Variants in PPP5C observed in about 807,000 individuals in gnomAD.
PPP5C encodes the protein protein phosphatase 5 catalytic subunit.
Under a neutral mutation model 66.7 loss-of-function variants are expected in PPP5C, and 21 were observed. That is an observed-to-expected ratio of 0.31 (90% CI 0.22 to 0.45). PPP5C has a LOEUF of 0.45. Ranked by LOEUF, PPP5C falls within the 20% of genes least tolerant of loss-of-function variation. The pLI is 1.00. For synonymous variants in PPP5C, 246 were observed against 257.4 expected (o/e 0.96, Z 0.43); for missense variants, 464 against 675.9 (o/e 0.69, Z 3.48).
chr19:46,379,654 CTT>C (rs1477075337), intron 4 of PPP5C, among the ~76,000 whole-genome samples: 1 of 152,126 alleles, frequency 6.6e-6, no homozygotes. Flanking sequence ...AATCAGGAAT[CTT>C]TTAGCATTTC....
In PPP5C at chr19:46,383,421, A is replaced by G. The variant is rs202039197; in HGVS notation, c.644A>G (p.Gln215Arg). 3.7e-6 allele frequency: 6 copies of G among 1,611,866 alleles called. No individual in the cohort carries two copies. Among genetic ancestry groups the G allele is most frequent in the Non-Finnish European group, 1.7e-6 (2 of 1,178,978 alleles). Reference sequence around the variant, plus strand: ...TGCCCTGCCTTCCAGATTCTGGTACAGGTCAAAGAGGTCCTCTCCAAGCTG... The same window carrying G: ...TGCCCTGCCTTCCAGATTCTGGTACGGGTCAAAGAGGTCCTCTCCAAGCTG... ...HRKCAYQILV[Q>R]VKEVLSKLST... The change falls in exon 5 of 13, where the codon CAG becomes CGG. Residue 215 changes from glutamine to arginine, a missense_variant. Gln to Arg is a conservative substitution (Grantham distance 43). Transcript: ENST00000012443. This position sits in a 1 kb window ranked among gnomAD's most constrained non-coding sequence, Gnocchi z 5.0.
chr19:46,358,324 G>A (rs1972322424), intron 2 of PPP5C, among the ~76,000 whole-genome samples: 1 of 152,238 alleles, frequency 6.6e-6, no homozygotes, highest in Non-Finnish European at 1.5e-5. Context: ...GTCTCCCAGG[G>A]TGAGACCAGT....
chr19:46,368,671 C>T (rs1174205880), intron 2 of PPP5C, among the ~76,000 whole-genome samples: 1 of 152,168 alleles, frequency 6.6e-6, no homozygotes, highest in East Asian at 1.9e-4. Context: ...CACCCGAGTA[C>T]TGTACAGTGC....
At chr19:46,389,238 T>A (rs183018946) in intron 11 of PPP5C, among the ~76,000 whole-genome samples, 1 of 151,390 alleles carries the variant, frequency 6.6e-6, no homozygotes, top group East Asian at 1.9e-4. Context: ...TCAGGAGAAT[T>A]GTTCGAACCC....
intron 2 of PPP5C, among the ~76,000 whole-genome samples, chr19:46,363,533 G>A (rs1199382589): frequency 2.6e-5 from 4 of 151,026 alleles, no homozygotes; most frequent in African/African-American, 9.7e-5. Context: ...AGTTTCAAGC[G>A]ATTCTCCTGC....
Position 46,361,128 on chromosome 19 carries a change from A to ATTTTTTTTTTTTTTTTTTTTTTTTT in PPP5C, c.363+7139_363+7140insTTTTTTTTTTTTTTTTTTTTTTTTT, listed in dbSNP as rs202038384. 4.5e-5 allele frequency among the ~76,000 whole-genome samples: 6 copies of ATTTTTTTTTTTTTTTTTTTTTTTTT among 133,416 alleles called. 3 individuals are homozygous for ATTTTTTTTTTTTTTTTTTTTTTTTT. The highest frequency in any genetic ancestry group is 6.3e-5 in the Non-Finnish European group (4 of 63,144). 87.5% of individuals were successfully genotyped at this position (133,416 alleles called of 152,430 possible). A position where few individuals can be genotyped will look rare whatever the true frequency, so the allele number is the denominator to read the frequency against. On this transcript the variant is annotated intron_variant, in intron 2 of 12. Coordinates refer to ENST00000012443, the MANE Select transcript of PPP5C (RefSeq NM_006247.4). ...TTTACCCAAAAGATAAGTGAAAGAA[A>ATTTTTTTTTTTTTTTTTTTTTTTTT]ATTTTTTTTTTTTTTTTTTGAGACG...
chr19:46,373,026 G>A (rs956348453), intron 2 of PPP5C, among the ~76,000 whole-genome samples: 1 of 152,236 alleles, frequency 6.6e-6, no homozygotes, highest in Non-Finnish European at 1.5e-5. Context: ...AAGTTCTCAC[G>A]ACAATCCTCC....
In PPP5C at chr19:46,387,082, G is replaced by C. The variant is rs1056601753; in HGVS notation, c.905-11G>C. 6.2e-7 allele frequency: 1 copy of C among 1,614,092 alleles called. No homozygotes were observed. Among genetic ancestry groups the C allele is most frequent in the African/African-American group, 1.3e-5 (1 of 74,946 alleles). ...AGGCTGAGCTTTCTCTTCTGTCCCC[G>C]TGTTGGCCAGGCAACCACGAGACAG... On this transcript the variant is annotated splice_polypyrimidine_tract_variant and intron_variant, in intron 7 of 12. Transcript: ENST00000012443.
chr19:46,390,824 T>G lies in PPP5C; in HGVS notation c.*478T>G. Reference sequence around the variant, plus strand: ...GCTATTTTATGTCTGTAATTAAATATGTTAAAATAAAGTCATTATCGGAAG... The same window carrying G: ...GCTATTTTATGTCTGTAATTAAATAGGTTAAAATAAAGTCATTATCGGAAG... On this transcript the variant is annotated 3_prime_UTR_variant, in exon 13 of 13. Coordinates refer to ENST00000012443, the MANE Select transcript of PPP5C (RefSeq NM_006247.4). 8.9e-7 allele frequency: 1 copy of G among 1,128,072 alleles called. No individual in the cohort carries two copies. Among genetic ancestry groups the G allele is most frequent in the Non-Finnish European group, 1.1e-6 (1 of 908,524 alleles). 69.9% of individuals were successfully genotyped at this position (1,128,072 alleles called of 1,614,324 possible).
chr19:46,374,814 A>G (rs1430663851), intron 2 of PPP5C, among the ~76,000 whole-genome samples: 6 of 152,066 alleles, frequency 3.9e-5, no homozygotes, highest in Non-Finnish European at 8.8e-5. Context: ...AGGGAGATAT[A>G]TATGGTTCTC....
intron 2 of PPP5C, among the ~76,000 whole-genome samples, chr19:46,364,169 A>T (rs945922804): frequency 5.3e-5 from 8 of 152,160 alleles, no homozygotes; most frequent in African/African-American, 1.9e-4. Context: ...GAAGAGAGGA[A>T]ATCAGAGAGA....
At chr19:46,361,196 C>T (rs564521079) in intron 2 of PPP5C, among the ~76,000 whole-genome samples, 52 of 142,834 alleles carry the variant, frequency 3.6e-4, no homozygotes, top group African/African-American at 1.3e-3. Flanking sequence ...GTGGTGCAAT[C>T]TCCACTCGCT....
At chr19:46,382,114 C>G (rs374775177) in intron 4 of PPP5C, 4 of 152,392 alleles carry the variant, frequency 2.6e-5, no homozygotes, top group African/African-American at 9.6e-5. Flanking sequence ...TCGCGCCCAA[C>G]CTTCCATGAA....
intron 2 of PPP5C, among the ~76,000 whole-genome samples, chr19:46,372,931 C>G (rs1972620014): frequency 6.6e-6 from 1 of 152,256 alleles, no homozygotes; most frequent in Non-Finnish European, 1.5e-5. Flanking sequence ...GGCATCTTCA[C>G]TGTCCCAGCT....
At chr19:46,384,759 GCACCCT>G in intron 6 of PPP5C, 39 bp from the exon 7 acceptor site, 192 of 1,342,084 alleles carry the variant, frequency 1.4e-4, no homozygotes, top group Non-Finnish European at 1.9e-4. Context: ...CCACCGCACC[GCACCCT>G]TCCCCTCCAC....
intron 1 of PPP5C, among the ~76,000 whole-genome samples, chr19:46,350,883 G>T (rs978908007): frequency 6.6e-6 from 1 of 152,144 alleles, no homozygotes; most frequent in East Asian, 1.9e-4. Flanking sequence ...GAGAAGAGGG[G>T]CCCCAGCAGG....
intron 6 of PPP5C, 189 bp from the exon 7 acceptor site, chr19:46,384,615 A>G (rs1972851356): frequency 3.6e-6 from 2 of 549,548 alleles, no homozygotes; most frequent in Admixed American, 6.1e-5. Flanking sequence ...GGCTGGAGCC[A>G]CGGTGAGGAA....
intron 2 of PPP5C, among the ~76,000 whole-genome samples, chr19:46,364,585 T>A (rs746042163): frequency 6.6e-6 from 1 of 152,176 alleles, no homozygotes; most frequent in Non-Finnish European, 1.5e-5. Context: ...TTAAAGCTAT[T>A]TGTCTTTTGT....
chr19:46,389,460 C>CACACACACACACAG (rs1568580025), intron 11 of PPP5C, among the ~76,000 whole-genome samples: 5 of 120,812 alleles, frequency 4.1e-5, no homozygotes, highest in East Asian at 2.7e-4. Flanking sequence ...CACACACACA[C>CACACACACACACAG]AGTGTTGATC....
Sources: gnomAD v4.1 joint callset for allele counts (sites outside exome capture counted in the v4.1 genomes callset) on GRCh38, gnomAD v4.1.1 for gene constraint, Gnocchi (gnomAD v3.1) non-coding constraint, MANE v1.5 for transcripts, NCBI Gene and HGNC (gene_info 2026-07-23, HGNC 2026-07-21) for gene names.